The following VDR variants were observed in gnomAD, a reference collection of about 807,000 sequenced individuals.
The protein encoded by VDR is vitamin D3 receptor.
Under a neutral mutation model 39.7 loss-of-function variants are expected in VDR, and 19 were observed. That is an observed-to-expected ratio of 0.48 (90% confidence interval 0.33 to 0.70). The LOEUF (loss-of-function observed/expected upper bound fraction) is 0.70, where lower values mean the gene tolerates loss of function less well. Ranked by LOEUF, VDR falls within the 30% of genes least tolerant of loss-of-function variation. The pLI, the probability that VDR is intolerant of heterozygous loss-of-function variation, is 0.02. For missense variants in VDR, 442 were observed against 570.5 expected, an observed-to-expected ratio of 0.77 and a Z score of 2.29; for synonymous variants, 242 against 215.8, an observed-to-expected ratio of 1.12 and a Z score of -1.07.
At chr12:47,866,182 A>T (rs1359586172) in intron 3 of VDR, among the ~76,000 whole-genome samples, 1 of 150,946 alleles carries the variant, frequency 6.6e-6, no homozygotes, top group Non-Finnish European at 1.5e-5. Context: ...ATCTCAGCTC[A>T]CTGCAAGCTC....
In VDR at chr12:47,882,767, A is replaced by T. The variant is rs1441701018; in HGVS notation, c.-76T>A. On this transcript the variant is annotated 5_prime_UTR_variant, in exon 2 of 10. Transcript: ENST00000549336. ...GAGGTCTCACAGACACTTCAGACCC[A>T]AAGGCTTCTGAAATGAAGAAGGGGA... 11 of 1,534,820 alleles carry T rather than the reference A, an allele frequency of 7.2e-6. No individual in the cohort carries two copies. Among genetic ancestry groups the T allele is most frequent in the Non-Finnish European group, 9.6e-6 (11 of 1,146,334 alleles).
intron 1 of VDR, among the ~76,000 whole-genome samples, chr12:47,897,249 T>G (rs1012608213): frequency 6.6e-6 from 1 of 152,206 alleles, no homozygotes; most frequent in African/African-American, 2.4e-5. Context: ...GCACTGAACA[T>G]AGTACCTGGA....
intron 1 of VDR, chr12:47,901,177 G>A (rs1234738724): frequency 6.4e-6 from 1 of 155,218 alleles, no homozygotes; most frequent in African/African-American, 2.4e-5. Flanking sequence ...TGTTGGCAGT[G>A]AGAATGACTT....
At chr12:47,873,717 A>G (rs543819632) in intron 3 of VDR, among the ~76,000 whole-genome samples, 37 of 152,294 alleles carry the variant, frequency 2.4e-4, no homozygotes, top group African/African-American at 8.9e-4. Context: ...CAGTGTGAAT[A>G]TGGACTAATA....
intron 1 of VDR, among the ~76,000 whole-genome samples, chr12:47,884,279 T>C (rs1946214567): frequency 6.6e-6 from 1 of 152,222 alleles, no homozygotes. Flanking sequence ...ATTTACTACA[T>C]GCCAGGCCTG....
rs1216056148 is a variant in VDR at position 47,900,039 on chromosome 12, G to C, written c.-84+4916C>G. ...TGGCCAATGGGACAATCAGCACATAGTAGGTTTTCAATAAAGATGCCTGTT... is the reference window on the plus strand; with the variant it reads ...TGGCCAATGGGACAATCAGCACATACTAGGTTTTCAATAAAGATGCCTGTT... On this transcript the variant is annotated intron_variant, in intron 1 of 9. Transcript: ENST00000549336. 3 of 783,958 alleles carry C rather than the reference G, an allele frequency of 3.8e-6. No individual in the cohort carries two copies. In the East Asian group the frequency reaches 3.7e-4, roughly 97 times the overall value. The allele number at this position is 783,958 out of a possible 1,614,324, so 48.6% of individuals were successfully genotyped here.
rs11574061 is a variant in VDR at position 47,865,861 on chromosome 12, C to T, written c.147-684G>A. Among the ~76,000 whole-genome samples, 905 of 151,452 alleles carry T rather than the reference C, an allele frequency of 6.0e-3. 16 individuals carry two copies. The highest frequency in any genetic ancestry group is 0.021 in the African/African-American group (863 of 41,236). The stretch of plus-strand genomic sequence containing the variant: ...CAGAGTAGCTGGGACTACAGGCGCC[C>T]GCCACCACTCCTGGCTAATTTTTTT... On this transcript the variant is annotated intron_variant, in intron 3 of 9. Transcript: ENST00000549336.
intron 3 of VDR, among the ~76,000 whole-genome samples, chr12:47,878,181 A>T (rs1946046319): frequency 6.6e-6 from 1 of 152,116 alleles, no homozygotes; most frequent in African/African-American, 2.4e-5. Flanking sequence ...TAGACAGAAG[A>T]TCTGTTTTGG....
chr12:47,870,088 G>C (rs1340934036), intron 3 of VDR, among the ~76,000 whole-genome samples: 1 of 152,170 alleles, frequency 6.6e-6, no homozygotes. Context: ...AGACCCAGAG[G>C]CTCTCTGGAA....
At chr12:47,898,413 G>A (rs968931760) in intron 1 of VDR, 2 of 152,182 alleles carry the variant, frequency 1.3e-5, no homozygotes, top group East Asian at 1.9e-4. Flanking sequence ...TGCTGGAAGT[G>A]TTTTTTGGGA....
rs143875931 is a variant in VDR at position 47,860,731 on chromosome 12, A to G, written c.278-3043T>C. On this transcript the variant is annotated intron_variant, in intron 4 of 9. Coordinates refer to ENST00000549336, the MANE Select transcript of VDR (RefSeq NM_000376.3). ...TTCTTGGGCTGCTTTTCTTGCTTCC[A>G]GTGTCCACCTCCCTGTTAAACTATG... Among the ~76,000 whole-genome samples the G allele has an allele frequency of 2.6e-5, 4 of 152,234 alleles. No homozygotes were observed. The East Asian group carries it at 7.7e-4, about 29-fold the overall frequency.
intron 4 of VDR, among the ~76,000 whole-genome samples, chr12:47,864,053 G>T (rs1002383408): frequency 6.6e-6 from 1 of 152,162 alleles, no homozygotes; most frequent in Non-Finnish European, 1.5e-5. Context: ...CCCCGACTCC[G>T]ACTCCGATTC....
At chr12:47,848,123 C>T (rs1945314651) in intron 7 of VDR, among the ~76,000 whole-genome samples, 1 of 152,118 alleles carries the variant, frequency 6.6e-6, no homozygotes, top group Non-Finnish European at 1.5e-5. Flanking sequence ...AGGATGGTCT[C>T]GATCTCCTGA....
At chr12:47,848,720 C>T (rs1014300930) in intron 7 of VDR, among the ~76,000 whole-genome samples, 38 of 152,040 alleles carry the variant, frequency 2.5e-4, no homozygotes, top group African/African-American at 8.9e-4. Context: ...GCACCTGCCA[C>T]CACACTCAGC....
chr12:47,904,276 C>A (rs1354510907), intron 1 of VDR, among the ~76,000 whole-genome samples: 1 of 151,840 alleles, frequency 6.6e-6, no homozygotes, highest in African/African-American at 2.4e-5. Context: ...CTCCTAGATA[C>A]TTCTGAATCT....
rs953144776 is a variant in VDR at position 47,843,001 on chromosome 12, G to C, written c.*1745C>G. On this transcript the variant is annotated 3_prime_UTR_variant, in exon 10 of 10. Transcript: ENST00000549336. ...AATTAATGTACAGAAGTTTCACAAT[G>C]TAAGTTCTCCCCCCATAAATATCTC... 6.6e-6 allele frequency: 1 copy of C among 152,142 alleles called. No individual in the cohort carries two copies. Among genetic ancestry groups the C allele is most frequent in the African/African-American group, 2.4e-5 (1 of 41,414 alleles). The allele number at this position is 152,142 out of a possible 1,614,324, so 9.4% of individuals were successfully genotyped here. A position where few individuals can be genotyped will look rare whatever the true frequency, so the allele number is the denominator to read the frequency against.
At chr12:47,854,866 A>G (rs1380434574) in intron 7 of VDR, among the ~76,000 whole-genome samples, 1 of 152,254 alleles carries the variant, frequency 6.6e-6, no homozygotes, top group African/African-American at 2.4e-5. Context: ...CTGATTTCGC[A>G]GGTCTAGGGT....
intron 1 of VDR, 138 bp from the exon 2 acceptor site, chr12:47,882,912 T>G (rs1374948658): frequency 1.5e-6 from 1 of 649,974 alleles, no homozygotes; most frequent in African/African-American, 1.9e-5. Flanking sequence ...AGTGGCTTGT[T>G]GGGAGCAGGC....
chr12:47,873,733 A>G (rs960413435), intron 3 of VDR, among the ~76,000 whole-genome samples: 1 of 152,142 alleles, frequency 6.6e-6, no homozygotes, highest in African/African-American at 2.4e-5. Flanking sequence ...TAATACACTG[A>G]TCTTCATATA....
Sources: allele counts gnomAD v4.1 joint callset (sites outside exome capture counted in the v4.1 genomes callset), GRCh38; gene constraint gnomAD v4.1.1; transcripts MANE v1.5; gene names NCBI Gene and HGNC (gene_info 2026-07-23, HGNC 2026-07-21).